The following DYNC1I1 variants were observed in gnomAD, a reference collection of about 807,000 sequenced individuals.
DYNC1I1 encodes dynein cytoplasmic 1 intermediate chain 1, also known as cytoplasmic dynein 1 intermediate chain 1.
A neutral mutation model predicts 86.6 loss-of-function variants in DYNC1I1; 43 were observed. The ratio of observed to expected loss-of-function variants is 0.50; its 90% CI spans 0.39 to 0.64. DYNC1I1 has a LOEUF of 0.64. Among genes scored for constraint, DYNC1I1 ranks in the 30% least tolerant of loss-of-function variants. The pLI is 0.00. For synonymous variants in DYNC1I1, 262 were observed against 283.7 expected (o/e 0.92, Z 0.77); for missense variants, 604 against 788.8 (o/e 0.77, Z 2.81).
chr7:95,862,293 G>A (rs1291487342), intron 5 of DYNC1I1, among the ~76,000 whole-genome samples: 1 of 151,924 alleles, frequency 6.6e-6, no homozygotes, highest in African/African-American at 2.4e-5. Flanking sequence ...ATATTTGCAA[G>A]TCATGTATTT....
intron 5 of DYNC1I1, among the ~76,000 whole-genome samples, chr7:95,834,613 G>T (rs1789021740): frequency 7.2e-6 from 1 of 139,762 alleles, no homozygotes; most frequent in Non-Finnish European, 1.5e-5. Flanking sequence ...GACTCTTTTT[G>T]GTTGGTAAGC....
chr7:95,818,850 T>C, intron 4 of DYNC1I1: 1 of 252,262 alleles, frequency 4.0e-6, no homozygotes, highest in Non-Finnish European at 7.4e-6. Context: ...CTGTTGAACC[T>C]GCTTTTTCAA....
intron 5 of DYNC1I1, among the ~76,000 whole-genome samples, chr7:95,836,978 G>A (rs567717358): frequency 3.3e-5 from 5 of 152,062 alleles, no homozygotes; most frequent in South Asian, 4.1e-4. Context: ...CGTCAAGGTC[G>A]TTCTCCGTCC....
At chr7:95,905,795 A>G (rs1436324684) in intron 6 of DYNC1I1, among the ~76,000 whole-genome samples, 3 of 151,256 alleles carry the variant, frequency 2.0e-5, no homozygotes, top group Admixed American at 1.3e-4. Flanking sequence ...TCCCACTCTC[A>G]CCTTTGCTTT....
intron 1 of DYNC1I1, among the ~76,000 whole-genome samples, chr7:95,791,365 C>G (rs4729206): frequency 0.087 from 13,278 of 152,230 alleles, 641 homozygotes; most frequent in South Asian, 0.12. Flanking sequence ...AATCTGGCTC[C>G]TTTATCATAC....
At chr7:95,841,199 C>G (rs905075115) in intron 5 of DYNC1I1, among the ~76,000 whole-genome samples, 4 of 152,186 alleles carry the variant, frequency 2.6e-5, no homozygotes, top group African/African-American at 4.8e-5. Flanking sequence ...GTAGTTTAAG[C>G]TCTTCTAAGG....
chr7:95,945,669 G>A (rs1256540408), intron 6 of DYNC1I1, among the ~76,000 whole-genome samples: 2 of 149,812 alleles, frequency 1.3e-5, no homozygotes, highest in East Asian at 4.0e-4. Flanking sequence ...GGTATTTTAT[G>A]ACCCAACTGG....
chr7:96,060,885 A>G (rs184446506), intron 14 of DYNC1I1, among the ~76,000 whole-genome samples: 49 of 152,336 alleles, frequency 3.2e-4, no homozygotes, highest in South Asian at 1.4e-3. Flanking sequence ...TTTAAATACT[A>G]TAACAGCGTA....
chr7:95,895,734 G>A (rs1390401940), intron 6 of DYNC1I1, among the ~76,000 whole-genome samples: 3 of 152,080 alleles, frequency 2.0e-5, no homozygotes, highest in Non-Finnish European at 4.4e-5. Context: ...CAAAAAAAAA[G>A]TGAGAAATGG....
At chr7:95,926,485 G>C (rs1189613336) in intron 6 of DYNC1I1, among the ~76,000 whole-genome samples, 1 of 152,038 alleles carries the variant, frequency 6.6e-6, no homozygotes, top group Non-Finnish European at 1.5e-5. Context: ...GACTGAAATG[G>C]TTACAAAAAA....
intron 10 of DYNC1I1, among the ~76,000 whole-genome samples, chr7:96,006,986 C>T (rs1794157842): frequency 1.3e-5 from 2 of 152,030 alleles, no homozygotes; most frequent in African/African-American, 4.8e-5. Flanking sequence ...ATCACATGTA[C>T]CCCCAAAATA....
intron 6 of DYNC1I1, among the ~76,000 whole-genome samples, chr7:95,871,953 C>A (rs1790181934): frequency 1.3e-5 from 2 of 152,248 alleles, no homozygotes; most frequent in Admixed American, 6.5e-5. Context: ...GACATTTAAG[C>A]AATCCTGGAT....
intron 6 of DYNC1I1, among the ~76,000 whole-genome samples, chr7:95,905,551 C>T (rs992084015): frequency 1.3e-5 from 2 of 152,162 alleles, no homozygotes; most frequent in Non-Finnish European, 2.9e-5. Context: ...CTTCTTCTTT[C>T]CTGACCTATG....
intron 5 of DYNC1I1, among the ~76,000 whole-genome samples, chr7:95,853,039 G>A (rs1420803605): frequency 2.0e-5 from 3 of 151,970 alleles, no homozygotes; most frequent in Non-Finnish European, 2.9e-5. Context: ...GCTCAGAAGG[G>A]TATTGTTTAA....
chr7:96,027,551 A>G (rs1313241179), intron 10 of DYNC1I1, among the ~76,000 whole-genome samples: 2 of 152,198 alleles, frequency 1.3e-5, no homozygotes, highest in African/African-American at 4.8e-5. Context: ...GCAAGGAATA[A>G]CATTAAGAAT....
intron 2 of DYNC1I1, among the ~76,000 whole-genome samples, chr7:95,806,426 C>T (rs1015941993): frequency 6.6e-6 from 1 of 152,154 alleles, no homozygotes; most frequent in Non-Finnish European, 1.5e-5. Context: ...TACAACCAAG[C>T]ACTTTTGCCT....
chr7:96,025,413 A>G (rs956529974), intron 10 of DYNC1I1, among the ~76,000 whole-genome samples: 1 of 152,116 alleles, frequency 6.6e-6, no homozygotes, highest in East Asian at 1.9e-4. Context: ...ACTATACCTC[A>G]TCTTCCAAAC....
At chr7:95,994,569 C>T (rs1405207228) in intron 9 of DYNC1I1, among the ~76,000 whole-genome samples, 1 of 152,034 alleles carries the variant, frequency 6.6e-6, no homozygotes, top group African/African-American at 2.4e-5. Context: ...TGCCTCAAAA[C>T]TAGTCCAGTG....
chr7:95,847,017 ACAAACTCATCCAC>A (rs1789450760), intron 5 of DYNC1I1, among the ~76,000 whole-genome samples: 1 of 152,156 alleles, frequency 6.6e-6, no homozygotes, highest in Non-Finnish European at 1.5e-5. Flanking sequence ...AGCCCTTATC[ACAAACTCATCCAC>A]CAAGTATGCA....
Sources: gnomAD v4.1 joint callset for allele counts (sites outside exome capture counted in the v4.1 genomes callset) on GRCh38, gnomAD v4.1.1 for gene constraint, MANE v1.5 for transcripts, NCBI Gene and HGNC (gene_info 2026-07-23, HGNC 2026-07-21) for gene names.